The following SNX29 variants were observed in gnomAD, a reference collection of about 807,000 sequenced individuals.
SNX29 encodes the protein sorting nexin-29.
A neutral mutation model predicts 102.1 loss-of-function variants in SNX29; 78 were observed. The ratio of observed to expected loss-of-function variants is 0.76; its 90% CI spans 0.64 to 0.92. The LOEUF is 0.92. Among genes scored for constraint, SNX29 ranks in the 40% least tolerant of loss-of-function variants. The probability of loss-of-function intolerance (pLI) is 0.00; values close to 1 mark genes in which losing one functional copy is unlikely to be tolerated. For synonymous variants in SNX29, 580 were observed against 414.5 expected, an observed-to-expected ratio of 1.40 and a Z score of -4.85; for missense variants, 1,280 against 1,061.7, an observed-to-expected ratio of 1.21 and a Z score of -2.86.
chr16:12,512,501 C>G (rs1323832589), intron 19 of SNX29, among the ~76,000 whole-genome samples: 1 of 149,432 alleles, frequency 6.7e-6, no homozygotes. Context: ...GCAGCCTTGA[C>G]CTCCCATGCT....
intron 11 of SNX29, among the ~76,000 whole-genome samples, chr16:12,116,198 T>G (rs1378943474): frequency 6.6e-6 from 1 of 152,260 alleles, no homozygotes; most frequent in East Asian, 1.9e-4. Context: ...ATTCCACTTC[T>G]AGGTACACAT....
At position 12,572,506 on chromosome 16, in the gene SNX29, C is replaced by G. The variant is rs776862901; in HGVS notation, c.*3877C>G. On this transcript the variant is annotated 3_prime_UTR_variant, in exon 21 of 21. Coordinates refer to ENST00000566228, the MANE Select transcript of SNX29 (RefSeq NM_032167.5). ...CTTGGGGTTCCAGGCCTCGGCCTTCCTGCTCCACGTGCTCAAGCCCCCACA... is the reference window on the plus strand; with the variant it reads ...CTTGGGGTTCCAGGCCTCGGCCTTCGTGCTCCACGTGCTCAAGCCCCCACA... 1 of 1,063,966 alleles carries G rather than the reference C, an allele frequency of 9.4e-7. No homozygotes were observed. Among genetic ancestry groups the G allele is most frequent in the African/African-American group, 1.6e-5 (1 of 60,976 alleles). The allele number at this position is 1,063,966 out of a possible 1,614,324, so 65.9% of individuals were successfully genotyped here. A position where few individuals can be genotyped will look rare whatever the true frequency, so the allele number is the denominator to read the frequency against.
intron 3 of SNX29, among the ~76,000 whole-genome samples, chr16:12,012,319 G>C (rs1055330535): frequency 2.6e-5 from 4 of 152,136 alleles, no homozygotes; most frequent in African/African-American, 9.7e-5. Flanking sequence ...GTGTTGTTTG[G>C]TTTGGGAGAT....
At chr16:12,304,883 T>C (rs1199253604) in intron 15 of SNX29, among the ~76,000 whole-genome samples, 1 of 152,260 alleles carries the variant, frequency 6.6e-6, no homozygotes, top group Non-Finnish European at 1.5e-5. Flanking sequence ...TGAGCTTTAT[T>C]CAGAATGTTT....
At chr16:12,077,539 A>T (rs1407720827) in intron 10 of SNX29, among the ~76,000 whole-genome samples, 4 of 152,040 alleles carry the variant, frequency 2.6e-5, no homozygotes, top group Non-Finnish European at 5.9e-5. Flanking sequence ...TATTCCCAGT[A>T]GTTGTATTCT....
At chr16:12,373,161 C>T (rs562171465) in intron 16 of SNX29, 1 of 152,348 alleles carries the variant, frequency 6.6e-6, no homozygotes, top group Non-Finnish European at 1.5e-5. Flanking sequence ...AAGAGACAGT[C>T]TCGCTGTGTT....
Position 12,570,292 on chromosome 16 carries a change from G to C in SNX29, c.*1663G>C. 4 of 1,056,626 alleles carry C rather than the reference G, an allele frequency of 3.8e-6. No homozygotes were observed. The highest frequency in any genetic ancestry group is 4.2e-4 in the Middle Eastern group (1 of 2,380). 65.5% of individuals were successfully genotyped at this position (1,056,626 alleles called of 1,614,324 possible). On this transcript the variant is annotated 3_prime_UTR_variant, in exon 21 of 21. Transcript: ENST00000566228. ...TGCGGACCCTGCAGTCAGTTTGCGA[G>C]TGTGGAGGACCCGAGACATCCTGTA...
chr16:12,377,553 G>T (rs553784175), intron 16 of SNX29, among the ~76,000 whole-genome samples: 1 of 152,350 alleles, frequency 6.6e-6, no homozygotes, highest in South Asian at 2.1e-4. Flanking sequence ...ATAGTTACTT[G>T]TGAGCGGTCT....
chr16:12,235,283 A>G (rs2077892736), intron 14 of SNX29, among the ~76,000 whole-genome samples: 1 of 152,048 alleles, frequency 6.6e-6, no homozygotes, highest in South Asian at 2.1e-4. Flanking sequence ...CGTGCCCCAG[A>G]GTTGGCAGAA....
At chr16:12,185,576 T>G (rs1421060271) in intron 13 of SNX29, among the ~76,000 whole-genome samples, 2 of 152,180 alleles carry the variant, frequency 1.3e-5, no homozygotes, top group Non-Finnish European at 2.9e-5. Context: ...CACCTTTCTC[T>G]CTCCCTCTGT....
intron 20 of SNX29, among the ~76,000 whole-genome samples, chr16:12,564,172 G>C (rs890580231): frequency 5.3e-5 from 8 of 152,162 alleles, no homozygotes; most frequent in East Asian, 1.9e-4. Context: ...AGGATTGCTT[G>C]AGTTCAGGAG....
At chr16:12,416,084 A>G (rs997097115) in intron 18 of SNX29, among the ~76,000 whole-genome samples, 17 of 152,152 alleles carry the variant, frequency 1.1e-4, no homozygotes, top group African/African-American at 4.1e-4. Flanking sequence ...GGTTTGAAAA[A>G]GACAACTACA....
At chr16:12,229,904 T>C (rs2077721037) in intron 14 of SNX29, among the ~76,000 whole-genome samples, 1 of 152,180 alleles carries the variant, frequency 6.6e-6, no homozygotes, top group Non-Finnish European at 1.5e-5. Context: ...CTGCTTTCAT[T>C]CTTTCTAGGA....
At chr16:12,149,199 C>G (rs114198906) in intron 13 of SNX29, among the ~76,000 whole-genome samples, 2,845 of 152,264 alleles carry the variant, frequency 0.019, 62 homozygotes, top group African/African-American at 0.048. Flanking sequence ...TGCTGGAGCC[C>G]CAGCCCTGAC....
intron 4 of SNX29, among the ~76,000 whole-genome samples, chr16:12,041,139 T>C (rs916424293): frequency 1.5e-4 from 23 of 151,578 alleles, no homozygotes; most frequent in African/African-American, 5.3e-4. Context: ...TGAGATAGAG[T>C]TTTGCTCTGT....
At chr16:12,013,497 AAAAATATATAT>A (rs1395074928) in intron 3 of SNX29, among the ~76,000 whole-genome samples, 9 of 63,324 alleles carry the variant, frequency 1.4e-4, no homozygotes, top group African/African-American at 6.8e-4. Context: ...GGAAAAAAAA[AAAAATATATAT>A]ATATATATAT....
rs530202462 is a variant in SNX29, at chr16:12,385,085, G to A, written c.1900-13361G>A. Among the ~76,000 whole-genome samples the A allele has an allele frequency of 1.6e-4, 25 of 152,300 alleles. 1 individual carries two copies. In the East Asian group the frequency reaches 2.3e-3, roughly 14 times the overall value. Reference sequence around the variant, plus strand: ...CTTGGGAGGCAGAGGCAGGAGAATCGCTTGAACCCGGGAGGCAGAGGTTGC... The same window carrying A: ...CTTGGGAGGCAGAGGCAGGAGAATCACTTGAACCCGGGAGGCAGAGGTTGC... On this transcript the variant is annotated intron_variant, in intron 16 of 20. Transcript: ENST00000566228.
intron 14 of SNX29, among the ~76,000 whole-genome samples, chr16:12,205,775 T>A (rs996549080): frequency 6.6e-6 from 1 of 152,252 alleles, no homozygotes; most frequent in East Asian, 1.9e-4. Context: ...TTTTCTTGCT[T>A]GTTTCTTCCC....
At chr16:12,187,163 T>G (rs747135286) in intron 13 of SNX29, among the ~76,000 whole-genome samples, 1 of 152,250 alleles carries the variant, frequency 6.6e-6, no homozygotes, top group Non-Finnish European at 1.5e-5. Context: ...TTCTCTACTT[T>G]GCTGTGGCCT....
Sources: allele counts gnomAD v4.1 joint callset (sites outside exome capture counted in the v4.1 genomes callset), GRCh38; gene constraint gnomAD v4.1.1; transcripts MANE v1.5; gene names NCBI Gene and HGNC (gene_info 2026-07-23, HGNC 2026-07-21).